The following ATXN10 variants were observed in gnomAD, a reference collection of about 807,000 sequenced individuals.
ATXN10 encodes the protein ataxin-10.
Under a neutral mutation model 52.9 loss-of-function variants are expected in ATXN10, and 28 were observed. The ratio of observed to expected loss-of-function variants is 0.53; its 90% CI spans 0.39 to 0.73. The LOEUF (loss-of-function observed/expected upper bound fraction) is 0.73, where lower values mean the gene tolerates loss of function less well. Among genes scored for constraint, ATXN10 ranks in the 30% least tolerant of loss-of-function variants. ATXN10 has a pLI of 0.00. For synonymous variants in ATXN10, 226 were observed against 221.5 expected, an observed-to-expected ratio of 1.02 and a Z score of -0.18; for missense variants, 565 against 577.0, an observed-to-expected ratio of 0.98 and a Z score of 0.21.
At chr22:45,796,806 G>A (rs565683513) in intron 9 of ATXN10, among the ~76,000 whole-genome samples, 40 of 152,204 alleles carry the variant, frequency 2.6e-4, no homozygotes, top group Non-Finnish European at 5.6e-4. Context: ...GCCTATACTG[G>A]ATTTTGAAAG....
Position 45,701,434 on chromosome 22 carries a change from A to G in ATXN10, c.488+1056A>G, listed in dbSNP as rs1158826392. Among the ~76,000 whole-genome samples the G allele has an allele frequency of 6.6e-6, 1 of 152,190 alleles. No individual in the cohort carries two copies. Among genetic ancestry groups the G allele is most frequent in the Admixed American group, 6.5e-5 (1 of 15,282 alleles). On this transcript the variant is annotated intron_variant, in intron 4 of 11. Transcript: ENST00000252934. This position sits in a 1 kb window ranked among gnomAD's most constrained non-coding sequence, Gnocchi z 4.2. ...TTTCCTGGGCTCCTCTGTGAAGTAT[A>G]GCGTTAAGATGGGATAAACTCTAAT...
rs570299841 is a variant in ATXN10 at position 45,784,381 on chromosome 22, G to A, written c.1174-22578G>A. Reference sequence around the variant, plus strand: ...TGTAATATAGTAGGATACTTGGCACGTTTCCTTTCCCTCGCCTATTTCCCA... The same window carrying A: ...TGTAATATAGTAGGATACTTGGCACATTTCCTTTCCCTCGCCTATTTCCCA... On this transcript the variant is annotated intron_variant, in intron 9 of 11. Coordinates refer to ENST00000252934, the MANE Select transcript of ATXN10 (RefSeq NM_013236.4). This position sits in a 1 kb window ranked among gnomAD's most constrained non-coding sequence, Gnocchi z 4.2. Among the ~76,000 whole-genome samples, 4 of 152,252 alleles carry A rather than the reference G, an allele frequency of 2.6e-5. No homozygotes were observed. The highest frequency in any genetic ancestry group is 2.1e-4 in the South Asian group (1 of 4,824).
At chr22:45,801,709 A>C (rs1927937162) in intron 9 of ATXN10, among the ~76,000 whole-genome samples, 1 of 152,210 alleles carries the variant, frequency 6.6e-6, no homozygotes, top group South Asian at 2.1e-4. Flanking sequence ...CCATATTCAA[A>C]CTTTGCTGAA....
chr22:45,834,843 A>T (rs112634606), intron 10 of ATXN10, among the ~76,000 whole-genome samples: 1 of 152,288 alleles, frequency 6.6e-6, no homozygotes, highest in African/African-American at 2.4e-5. Flanking sequence ...CATGCTGCAT[A>T]CAGTGGCTCC....
intron 9 of ATXN10, among the ~76,000 whole-genome samples, chr22:45,755,476 C>T (rs1926141209): frequency 1.3e-5 from 2 of 152,164 alleles, no homozygotes; most frequent in Admixed American, 6.5e-5. Context: ...CTTCTCACTG[C>T]CTCCCAGGCT....
rs972226645 is a variant in ATXN10 at position 45,733,996 on chromosome 22, T to G, written c.894+4406T>G. 1.2e-4 allele frequency among the ~76,000 whole-genome samples: 19 copies of G among 152,182 alleles called. 1 individual carries two copies. The highest frequency in any genetic ancestry group is 7.9e-4 in the Admixed American group (12 of 15,284). On this transcript the variant is annotated intron_variant, in intron 7 of 11. Coordinates refer to ENST00000252934, the MANE Select transcript of ATXN10 (RefSeq NM_013236.4). This position sits in a 1 kb window ranked among gnomAD's most constrained non-coding sequence, Gnocchi z 4.4. ...TATATTCATTGTATGTTTTTAATAG[T>G]TGAATAATATTTAACTATATAGACT...
chr22:45,719,555 A>AT (rs35705178), intron 6 of ATXN10, among the ~76,000 whole-genome samples: 4,754 of 147,116 alleles, frequency 0.032, 211 homozygotes, highest in African/African-American at 0.1. Flanking sequence ...AAAAATTAGT[A>AT]TTTTTTTTTT....
intron 9 of ATXN10, 27 bp from the exon 10 acceptor site, chr22:45,806,932 G>T (rs769049846): frequency 1.3e-6 from 2 of 1,583,574 alleles, no homozygotes; most frequent in South Asian, 2.2e-5. Flanking sequence ...TGTTTTCAGT[G>T]TATAAACTTA....
At chr22:45,797,658 C>G (rs1216267682) in intron 9 of ATXN10, among the ~76,000 whole-genome samples, 1 of 151,924 alleles carries the variant, frequency 6.6e-6, no homozygotes, top group African/African-American at 2.4e-5. Context: ...GTAGATTAAA[C>G]CAATGTAAGT....
In ATXN10 at chr22:45,729,444, A is replaced by G. The variant is rs778412063; in HGVS notation, c.748A>G (p.Met250Val). The change falls in exon 7 of 12, where the codon ATG becomes GTG. Residue 250 changes from methionine to valine, a missense_variant. By Grantham distance (21) the Met-to-Val change is conservative (BLOSUM62 1). Coordinates refer to ENST00000252934, the MANE Select transcript of ATXN10 (RefSeq NM_013236.4). ...TTACAGAGTTACACTGTTAGACCTT[A>G]TGATAGCCAAGATAACGAGTGATGA... ...NQERVTLLDL[M>V]IAKITSDEPL... 1 of 1,614,166 alleles carries G rather than the reference A, an allele frequency of 6.2e-7. No individual in the cohort carries two copies. The highest frequency in any genetic ancestry group is 8.5e-7 in the Non-Finnish European group (1 of 1,180,032).
intron 9 of ATXN10, among the ~76,000 whole-genome samples, chr22:45,771,172 T>C (rs780004030): frequency 3.3e-5 from 5 of 152,336 alleles, no homozygotes; most frequent in Non-Finnish European, 7.3e-5. Flanking sequence ...TTATTTATGG[T>C]AGCCAAAAGC....
Position 45,678,216 on chromosome 22 carries a change from A to G in ATXN10, c.116+6037A>G, listed in dbSNP as rs943658825. On this transcript the variant is annotated intron_variant, in intron 1 of 11. Transcript: ENST00000252934. The surrounding 1 kb of genome is among the most constrained non-coding windows in gnomAD (Gnocchi z 4.1). ...GAACTGTAGACTTAAAATGAACAACATGGCAAATTTTATGTTATATATATG... is the reference window on the plus strand; with the variant it reads ...GAACTGTAGACTTAAAATGAACAACGTGGCAAATTTTATGTTATATATATG... 5 of 152,202 alleles carry G rather than the reference A, an allele frequency of 3.3e-5. No individual in the cohort carries two copies. Among genetic ancestry groups the G allele is most frequent in the African/African-American group, 1.2e-4 (5 of 41,450 alleles). The allele number at this position is 152,202 out of a possible 1,614,324, so 9.4% of individuals were successfully genotyped here.
Position 45,750,206 on chromosome 22 carries a change from C to T in ATXN10, c.1173+9668C>T, listed in dbSNP as rs534033718. 1.5e-4 allele frequency among the ~76,000 whole-genome samples: 23 copies of T among 152,136 alleles called. No homozygotes were observed. The highest frequency in any genetic ancestry group is 6.2e-4 in the South Asian group (3 of 4,818). Reference sequence around the variant, plus strand: ...CAGTTCTGTGCTCAAGTGATCCTCCCGCCTCAGCCACCCAAGTAGCTGGTA... The same window carrying T: ...CAGTTCTGTGCTCAAGTGATCCTCCTGCCTCAGCCACCCAAGTAGCTGGTA... On this transcript the variant is annotated intron_variant, in intron 9 of 11. Transcript: ENST00000252934. The surrounding 1 kb of genome is among the most constrained non-coding windows in gnomAD (Gnocchi z 4.2).
In ATXN10 at chr22:45,824,234, C is replaced by G. The variant is rs1928747157; in HGVS notation, c.1237+17212C>G. On this transcript the variant is annotated intron_variant, in intron 10 of 11. Transcript: ENST00000252934. This position sits in a 1 kb window ranked among gnomAD's most constrained non-coding sequence, Gnocchi z 5.2. ...TCACAGAGACCTGCACATACTGTTC[C>G]TCTCACTGGAGTTCTCCCCTTTCTA... Among the ~76,000 whole-genome samples, 2 of 152,144 alleles carry G rather than the reference C, an allele frequency of 1.3e-5. No individual in the cohort carries two copies. The highest frequency in any genetic ancestry group is 4.1e-4 in the South Asian group (2 of 4,822).
At position 45,790,833 on chromosome 22, in the gene ATXN10, C is replaced by T. The variant is rs1303091185; in HGVS notation, c.1174-16126C>T. Among the ~76,000 whole-genome samples, 1 of 152,092 alleles carries T rather than the reference C, an allele frequency of 6.6e-6. No homozygotes were observed. Among genetic ancestry groups the T allele is most frequent in the Admixed American group, 6.5e-5 (1 of 15,268 alleles). On this transcript the variant is annotated intron_variant, in intron 9 of 11. Transcript: ENST00000252934. The surrounding 1 kb of genome is among the most constrained non-coding windows in gnomAD (Gnocchi z 4.7). Reference sequence around the variant, plus strand: ...TCCTGACCTTCTAGATCTTATTTCCCATTTCATTTATTTTTATTGTTTATT... The same window carrying T: ...TCCTGACCTTCTAGATCTTATTTCCTATTTCATTTATTTTTATTGTTTATT...
At chr22:45,713,065 A>T (rs544891136) in intron 5 of ATXN10, among the ~76,000 whole-genome samples, 80 of 151,972 alleles carry the variant, frequency 5.3e-4, no homozygotes, top group Non-Finnish European at 1.0e-3. Flanking sequence ...ATGGATATGG[A>T]TAATAGATGA....
intron 5 of ATXN10, among the ~76,000 whole-genome samples, chr22:45,714,135 A>G (rs772848927): frequency 1.2e-4 from 19 of 152,130 alleles, no homozygotes; most frequent in Non-Finnish European, 2.1e-4. Context: ...TGTTAGCAAG[A>G]TTTGGATTTG....
rs762480511 is a variant in ATXN10 at position 45,826,104 on chromosome 22, A to G, written c.1238-16887A>G. Among the ~76,000 whole-genome samples, 15 of 152,172 alleles carry G rather than the reference A, an allele frequency of 9.9e-5. No individual in the cohort carries two copies. The highest frequency in any genetic ancestry group is 1.6e-4 in the Non-Finnish European group (11 of 68,034). ...AAAAGCCCAATATGGACAAAATGAA[A>G]TGTCAGCAAAGAGATAGAAGACCTG... is the stretch of plus-strand genomic sequence containing the variant. On this transcript the variant is annotated intron_variant, in intron 10 of 11. Transcript: ENST00000252934. The surrounding 1 kb of genome is among the most constrained non-coding windows in gnomAD (Gnocchi z 5.0).
Position 45,780,990 on chromosome 22 carries a change from A to T in ATXN10, c.1174-25969A>T, listed in dbSNP as rs1157339426. Among the ~76,000 whole-genome samples the T allele has an allele frequency of 5.3e-5, 8 of 152,338 alleles. No individual in the cohort carries two copies. Among genetic ancestry groups the T allele is most frequent in the African/African-American group, 1.9e-4 (8 of 41,580 alleles). On this transcript the variant is annotated intron_variant, in intron 9 of 11. Transcript: ENST00000252934. This position sits in a 1 kb window ranked among gnomAD's most constrained non-coding sequence, Gnocchi z 4.0. ...GTTTTCTCAGACTGATTAATGTTAGAGAAGCTGTCAACCCAGAAACACCAA... is the reference window on the plus strand; with the variant it reads ...GTTTTCTCAGACTGATTAATGTTAGTGAAGCTGTCAACCCAGAAACACCAA...
Sources: gnomAD v4.1 joint callset for allele counts (sites outside exome capture counted in the v4.1 genomes callset) on GRCh38, gnomAD v4.1.1 for gene constraint, Gnocchi (gnomAD v3.1) non-coding constraint, MANE v1.5 for transcripts, NCBI Gene and HGNC (gene_info 2026-07-23, HGNC 2026-07-21) for gene names.